The following BTBD10 variants were observed in gnomAD, a reference collection of about 807,000 sequenced individuals.
BTBD10 encodes the protein BTB domain containing 10, also known as BTB/POZ domain-containing protein 10.
In BTBD10, 21 loss-of-function variants were observed where a neutral mutation model predicts 53.2. The observed-to-expected ratio is 0.39, with a 90% CI of 0.28 to 0.57. The LOEUF is 0.57. Among genes scored for constraint, BTBD10 ranks in the 20% least tolerant of loss-of-function variants. The pLI is 0.53. For synonymous variants in BTBD10, 149 were observed against 192.7 expected, an observed-to-expected ratio of 0.77 and a Z score of 1.88; for missense variants, 360 against 594.7, an observed-to-expected ratio of 0.61 and a Z score of 4.10.
intron 8 of BTBD10, among the ~76,000 whole-genome samples, chr11:13,395,299 A>G (rs1360231681): frequency 6.6e-6 from 1 of 152,060 alleles, no homozygotes. Context: ...GCCAGTGATG[A>G]TGAGCTTTTT....
intron 5 of BTBD10, among the ~76,000 whole-genome samples, chr11:13,415,579 T>G (rs1193769488): frequency 8.7e-5 from 13 of 150,058 alleles, no homozygotes; most frequent in Non-Finnish European, 1.8e-4. Flanking sequence ...CCCCTGCCCC[T>G]TCTTTTTTTT....
chr11:13,455,429 C>T (rs1591176335), intron 1 of BTBD10, among the ~76,000 whole-genome samples: 1 of 152,148 alleles, frequency 6.6e-6, no homozygotes, highest in Non-Finnish European at 1.5e-5. Flanking sequence ...TTGTTTCTTT[C>T]CCATCACAAA....
chr11:13,394,555 T>C (rs961171937), intron 8 of BTBD10, among the ~76,000 whole-genome samples: 1 of 152,174 alleles, frequency 6.6e-6, no homozygotes, highest in African/African-American at 2.4e-5. Flanking sequence ...ATTTTTTTAT[T>C]ATTATTATAC....
At chr11:13,461,338 G>C (rs1951091199) in intron 1 of BTBD10, among the ~76,000 whole-genome samples, 1 of 152,162 alleles carries the variant, frequency 6.6e-6, no homozygotes, top group African/African-American at 2.4e-5. Flanking sequence ...GTTCTCTTGA[G>C]AATGCTGAAG....
chr11:13,408,274 A>T (rs7116636), intron 6 of BTBD10, among the ~76,000 whole-genome samples: 24,002 of 152,082 alleles, frequency 0.16, 2,086 homozygotes, highest in Admixed American at 0.24. Context: ...AATCTTTCTG[A>T]TTACATTCCC....
chr11:13,429,423 C>T (rs745884726), intron 2 of BTBD10, among the ~76,000 whole-genome samples: 16 of 152,068 alleles, frequency 1.1e-4, no homozygotes, highest in Non-Finnish European at 1.9e-4. Context: ...GTAAAGTGTG[C>T]TACTGGCATA....
At chr11:13,422,197 A>T (rs186826004) in intron 2 of BTBD10, among the ~76,000 whole-genome samples, 53 of 152,328 alleles carry the variant, frequency 3.5e-4, no homozygotes, top group African/African-American at 1.2e-3. Flanking sequence ...GGAAGAAGAG[A>T]AGGCAAGAGC....
intron 2 of BTBD10, among the ~76,000 whole-genome samples, chr11:13,434,413 T>C (rs1020455984): frequency 6.6e-6 from 1 of 152,098 alleles, no homozygotes; most frequent in Non-Finnish European, 1.5e-5. Context: ...CTATGAAATA[T>C]AGAAGGGAAT....
At position 13,419,501 on chromosome 11, in the gene BTBD10, G is replaced by T. The variant is rs377504825; in HGVS notation, c.543C>A (p.Asp181Glu). ...TTGGCTGTGCAGTAAAAATGGATGG[G>T]TCTACAACAAATCTAGTGTTATCCA... The part of the protein sequence containing the change: ...LIVDNTRFVV[D>E]PSIFTAQPNT... The change falls in exon 4 of 9, where the codon GAC becomes GAA. Residue 181 changes from aspartate (D) to glutamate (E), a missense_variant. By Grantham distance (45) the Asp-to-Glu change is conservative. Transcript: ENST00000278174. 3 of 1,613,770 alleles carry T rather than the reference G, an allele frequency of 1.9e-6. No individual in the cohort carries two copies. Among genetic ancestry groups the T allele is most frequent in the Non-Finnish European group, 2.5e-6 (3 of 1,179,912 alleles).
At chr11:13,452,586 T>G (rs1259329175) in intron 1 of BTBD10, among the ~76,000 whole-genome samples, 1 of 152,174 alleles carries the variant, frequency 6.6e-6, no homozygotes, top group South Asian at 2.1e-4. Context: ...ATAGCAAGCA[T>G]ACTTAATAGC....
At chr11:13,389,381 CATT>C (rs529830585) in intron 8 of BTBD10, among the ~76,000 whole-genome samples, 18 of 151,560 alleles carry the variant, frequency 1.2e-4, no homozygotes, top group East Asian at 5.8e-4. Context: ...ATCAAAAAAA[CATT>C]ATTAAAGTAG....
Position 13,388,887 on chromosome 11 carries a change from G to A in BTBD10, c.1372C>T (p.His458Tyr), listed in dbSNP as rs1315153871. Residue 458 changes from histidine (H) to tyrosine (Y), a missense_variant, in exon 9 of 9, where the codon CAT (histidine) becomes TAT (tyrosine). Physicochemically the swap from His to Tyr is moderately conservative, Grantham distance 83. Coordinates refer to ENST00000278174, the MANE Select transcript of BTBD10 (RefSeq NM_032320.7). ...AGGTCACTGTTGCCAGAAGGGGGAT[G>A]GATAGGGAGAATATCCAGCTCATCC... is the stretch of plus-strand genomic sequence containing the variant. Reference protein sequence around the residue: ...QVDELDILPIHPPSGNSDLDP... With the variant: ...QVDELDILPIYPPSGNSDLDP... The A allele has an allele frequency of 1.9e-6, 3 of 1,614,034 alleles. No individual in the cohort carries two copies. In the Admixed American group the frequency reaches 5.0e-5, roughly 27 times the overall value.
At chr11:13,403,681 G>A (rs984677015) in intron 7 of BTBD10, among the ~76,000 whole-genome samples, 4 of 152,070 alleles carry the variant, frequency 2.6e-5, no homozygotes, top group East Asian at 1.9e-4. Flanking sequence ...GTCTAGAGGC[G>A]GAAAAACTGC....
At chr11:13,438,740 T>C (rs1448674449) in intron 2 of BTBD10, among the ~76,000 whole-genome samples, 1 of 151,956 alleles carries the variant, frequency 6.6e-6, no homozygotes, top group Non-Finnish European at 1.5e-5. Flanking sequence ...CTTCTATATG[T>C]TTTTCTGGGC....
rs1338741157 is a variant in BTBD10, at chr11:13,419,446, G to A, written c.584+14C>T. 2 of 1,600,374 alleles carry A rather than the reference G, an allele frequency of 1.2e-6. No individual in the cohort carries two copies. Among genetic ancestry groups the A allele is most frequent in the African/African-American group, 1.4e-5 (1 of 74,036 alleles). On this transcript the variant is annotated intron_variant, in intron 4 of 8. Transcript: ENST00000278174. ...ATTATAATTAGTAATGCAAATAACT[G>A]CAATAATACAAACCTGCCCAACATT...
At chr11:13,431,956 A>G (rs750262835) in intron 2 of BTBD10, among the ~76,000 whole-genome samples, 2 of 152,136 alleles carry the variant, frequency 1.3e-5, no homozygotes, top group Non-Finnish European at 2.9e-5. Context: ...TGCAAAGTTT[A>G]TAACAAAATC....
chr11:13,390,352 CT>C lies in BTBD10; in HGVS notation c.1118-1212del, dbSNP rs745356409. 6.9e-3 allele frequency among the ~76,000 whole-genome samples: 988 copies of C among 144,214 alleles called. 6 individuals are homozygous for C. The highest frequency in any genetic ancestry group is 0.02 in the African/African-American group (788 of 39,544). The allele number at this position is 144,214 out of a possible 152,430, so 94.6% of individuals were successfully genotyped here. ...AATGAATGAGCACGTGTATGTTTTT[CT>C]TTTTTTTTTTTGGAGATAGAGTCTC... On this transcript the variant is annotated intron_variant, in intron 8 of 8. Transcript: ENST00000278174.
At position 13,405,647 on chromosome 11, in the gene BTBD10, C is replaced by G. The variant is rs1424224587; in HGVS notation, c.1006+12G>C. The G allele has an allele frequency of 1.9e-6, 3 of 1,612,604 alleles. No individual in the cohort carries two copies. In the African/African-American group the frequency reaches 4.0e-5, roughly 22 times the overall value. ...ATGATTCAGGGGAGAGAAAACATGCCAGAGTACGTACTTTGTGAATATTCT... is the reference window on the plus strand; with the variant it reads ...ATGATTCAGGGGAGAGAAAACATGCGAGAGTACGTACTTTGTGAATATTCT... On this transcript the variant is annotated intron_variant, in intron 7 of 8. Coordinates refer to ENST00000278174, the MANE Select transcript of BTBD10 (RefSeq NM_032320.7).
chr11:13,400,250 G>A (rs1949680086), intron 8 of BTBD10, among the ~76,000 whole-genome samples: 1 of 152,214 alleles, frequency 6.6e-6, no homozygotes, highest in Non-Finnish European at 1.5e-5. Context: ...GCAATGGCGG[G>A]TGCCCCTCCC....
Sources: allele counts gnomAD v4.1 joint callset (sites outside exome capture counted in the v4.1 genomes callset), GRCh38; gene constraint gnomAD v4.1.1; transcripts MANE v1.5; gene names NCBI Gene and HGNC (gene_info 2026-07-23, HGNC 2026-07-21).